The following DPP6 variants were observed in gnomAD, a reference collection of about 807,000 sequenced individuals.
DPP6 encodes A-type potassium channel modulatory protein DPP6.
A neutral mutation model predicts 122.6 loss-of-function variants in DPP6; 69 were observed. The ratio of observed to expected loss-of-function variants is 0.56; its 90% CI spans 0.46 to 0.69. The LOEUF is 0.69. DPP6 is among the 30% of genes least tolerant of loss of function. DPP6 has a pLI of 0.00. For synonymous variants in DPP6, 418 were observed against 433.1 expected (o/e 0.97, Z 0.43); for missense variants, 928 against 1,116.9 (o/e 0.83, Z 2.41).
chr7:154,656,689 G>T (rs6959834), intron 6 of DPP6, among the ~76,000 whole-genome samples: 119,211 of 151,298 alleles, frequency 0.79, 48,606 homozygotes, highest in South Asian at 0.91. Context: ...CTGATGATGG[G>T]TTAGAGGCTG....
At chr7:154,259,812 G>A (rs951861217) in intron 1 of DPP6, among the ~76,000 whole-genome samples, 2 of 152,126 alleles carry the variant, frequency 1.3e-5, no homozygotes, top group Non-Finnish European at 2.9e-5. Context: ...TGCCAAACGC[G>A]TTCACAACTG....
intron 7 of DPP6, among the ~76,000 whole-genome samples, chr7:154,724,755 C>T (rs987100667): frequency 2.0e-5 from 3 of 151,830 alleles, no homozygotes; most frequent in African/African-American, 7.3e-5. Flanking sequence ...AGTAGGGGTG[C>T]CAGGGGCTGG....
At chr7:154,130,031 G>A (rs543077813) in intron 1 of DPP6, among the ~76,000 whole-genome samples, 2 of 150,530 alleles carry the variant, frequency 1.3e-5, no homozygotes, top group African/African-American at 5.0e-5. Context: ...GGAGGTTGCA[G>A]TGAGCCGAGA....
chr7:154,184,908 G>A (rs1798278517), intron 1 of DPP6, among the ~76,000 whole-genome samples: 1 of 152,188 alleles, frequency 6.6e-6, no homozygotes, highest in African/African-American at 2.4e-5. Context: ...TAGCATCTGA[G>A]CCACGGTGCG....
In DPP6 at chr7:154,863,646, C is replaced by T. The variant is rs765602307; in HGVS notation, c.1715-4349C>T. ...CCTGGGAAACACAATGAGACCCTAC[C>T]TCTGCAAAAATTACAAAATTTAGCC... On this transcript the variant is annotated intron_variant, in intron 17 of 25. Coordinates refer to ENST00000377770, the MANE Select transcript of DPP6 (RefSeq NM_130797.4). This position sits in a 1 kb window ranked among gnomAD's most constrained non-coding sequence, Gnocchi z 4.1. Among the ~76,000 whole-genome samples the T allele has an allele frequency of 9.2e-5, 14 of 152,016 alleles. No homozygotes were observed. Among genetic ancestry groups the T allele is most frequent in the Non-Finnish European group, 1.8e-4 (12 of 68,024 alleles).
At chr7:154,525,374 T>C (rs552181684) in intron 3 of DPP6, among the ~76,000 whole-genome samples, 40 of 152,270 alleles carry the variant, frequency 2.6e-4, no homozygotes, top group African/African-American at 9.4e-4. Flanking sequence ...TTTTTCAGGC[T>C]CTCAAACTCC....
intron 8 of DPP6, among the ~76,000 whole-genome samples, chr7:154,751,945 G>A (rs1030764277): frequency 6.6e-6 from 1 of 152,208 alleles, no homozygotes; most frequent in African/African-American, 2.4e-5. Flanking sequence ...TCCTGATCCA[G>A]ATGCCAAGAG....
intron 1 of DPP6, among the ~76,000 whole-genome samples, chr7:154,326,937 C>T (rs985975490): frequency 1.1e-4 from 16 of 152,134 alleles, no homozygotes; most frequent in African/African-American, 3.6e-4. Flanking sequence ...AAATAGTATT[C>T]ACTGGGTCGC....
chr7:154,861,618 A>G (rs1253395649), intron 17 of DPP6, among the ~76,000 whole-genome samples: 1 of 152,208 alleles, frequency 6.6e-6, no homozygotes, highest in Non-Finnish European at 1.5e-5. Context: ...TGTTGGATGG[A>G]ATTATTATCA....
intron 13 of DPP6, 88 bp from the exon 14 acceptor site, chr7:154,803,776 C>T (rs1798522489): frequency 6.6e-7 from 1 of 1,507,984 alleles, no homozygotes; most frequent in East Asian, 2.5e-5. Context: ...CCCCTGTCAC[C>T]TGGTGTCCAA....
intron 1 of DPP6, among the ~76,000 whole-genome samples, chr7:154,322,023 A>C (rs1808009228): frequency 6.6e-6 from 1 of 151,894 alleles, no homozygotes; most frequent in South Asian, 2.1e-4. Context: ...ATCTCCCAGC[A>C]CTTTCTACAA....
chr7:153,966,883 A>G (rs1795769770), intron 1 of DPP6, among the ~76,000 whole-genome samples: 1 of 151,418 alleles, frequency 6.6e-6, no homozygotes, highest in Non-Finnish European at 1.5e-5. Context: ...CCTGAGCAAC[A>G]TGGAAAAGCC....
intron 1 of DPP6, among the ~76,000 whole-genome samples, chr7:154,080,137 A>G (rs932915840): frequency 2.0e-5 from 3 of 151,974 alleles, no homozygotes; most frequent in African/African-American, 7.3e-5. Flanking sequence ...CTTTGCATGG[A>G]GAAGGAGTAC....
chr7:153,775,146 C>T, the DPP6 span, among the ~76,000 whole-genome samples: 1 of 145,120 alleles, frequency 6.9e-6, no homozygotes. Context: ...CACATATTCT[C>T]AATAAAATAC....
At chr7:153,926,935 A>G (rs1240032569) in intron 1 of DPP6, among the ~76,000 whole-genome samples, 1 of 152,214 alleles carries the variant, frequency 6.6e-6, no homozygotes, top group Non-Finnish European at 1.5e-5. Context: ...CTACACATTC[A>G]TTGTAAGAAA....
At chr7:154,319,282 G>A (rs546055334) in intron 1 of DPP6, among the ~76,000 whole-genome samples, 24 of 152,242 alleles carry the variant, frequency 1.6e-4, no homozygotes, top group Middle Eastern at 6.8e-3. Flanking sequence ...TAACACAGGC[G>A]AGATTTTTAT....
chr7:154,243,309 A>G (rs1319179777), intron 1 of DPP6, among the ~76,000 whole-genome samples: 1 of 152,198 alleles, frequency 6.6e-6, no homozygotes, highest in Non-Finnish European at 1.5e-5. Flanking sequence ...ACAAGCCCTG[A>G]GATTAAATGC....
chr7:154,262,230 G>A (rs555019554), intron 1 of DPP6, among the ~76,000 whole-genome samples: 2 of 152,164 alleles, frequency 1.3e-5, no homozygotes, highest in East Asian at 3.9e-4. Context: ...GGAGTGTTGT[G>A]TGGACTCCCC....
intron 2 of DPP6, among the ~76,000 whole-genome samples, chr7:154,454,078 T>C (rs1820621987): frequency 1.3e-5 from 2 of 152,230 alleles, no homozygotes; most frequent in African/African-American, 4.8e-5. Flanking sequence ...GCTCCTATAT[T>C]AAATTCATTC....
Sources: gnomAD v4.1 joint callset for allele counts (sites outside exome capture counted in the v4.1 genomes callset) on GRCh38, gnomAD v4.1.1 for gene constraint, Gnocchi (gnomAD v3.1) non-coding constraint, MANE v1.5 for transcripts, NCBI Gene and HGNC (gene_info 2026-07-23, HGNC 2026-07-21) for gene names.